ATP8A2: variants seen among roughly 807,000 people sequenced by gnomAD.
The protein encoded by ATP8A2 is ATPase phospholipid transporting 8A2, also known as phospholipid-transporting ATPase IB.
ATP8A2 carries 100 observed loss-of-function variants against 165.6 expected under a neutral mutation model. The ratio of observed to expected loss-of-function variants is 0.60; its 90% CI spans 0.51 to 0.71. The LOEUF (loss-of-function observed/expected upper bound fraction) is 0.71. Among genes scored for constraint, ATP8A2 ranks in the 30% least tolerant of loss-of-function variants. ATP8A2 has a pLI of 0.00. For synonymous variants in ATP8A2, 543 were observed against 548.8 expected (o/e 0.99, Z 0.15); for missense variants, 1,227 against 1,479.5 (o/e 0.83, Z 2.80).
At chr13:25,709,719 A>G (rs1189112882) in intron 25 of ATP8A2, among the ~76,000 whole-genome samples, 1 of 152,196 alleles carries the variant, frequency 6.6e-6, no homozygotes, top group Admixed American at 6.5e-5. Context: ...AAGGGAAAAA[A>G]GTAAATGTTG....
Position 25,520,602 on chromosome 13 carries a change from T to TG in ATP8A2, c.222-9397_222-9396insG, listed in dbSNP as rs1271893160. Among the ~76,000 whole-genome samples the TG allele has an allele frequency of 4.3e-3, 648 of 150,060 alleles. 8 individuals are homozygous for TG. Among genetic ancestry groups the TG allele is most frequent in the African/African-American group, 0.015 (609 of 40,636 alleles). On this transcript the variant is annotated intron_variant, in intron 2 of 36. Coordinates refer to ENST00000381655, the MANE Select transcript of ATP8A2 (RefSeq NM_016529.6). The stretch of plus-strand genomic sequence containing the variant: ...CATTCCTATTTTTAGTTTTTTTTTT[T>TG]TTTGTTTTTTTTTTTTGAGATGGAG...
chr13:25,730,253 C>G (rs974422208), intron 25 of ATP8A2, among the ~76,000 whole-genome samples: 1 of 152,170 alleles, frequency 6.6e-6, no homozygotes, highest in African/African-American at 2.4e-5. Context: ...GATCATGCCA[C>G]TGCACTCCCG....
At position 25,559,715 on chromosome 13, in the gene ATP8A2, T is replaced by C. The variant is rs747588579; in HGVS notation, c.1353-6T>C. 33 of 1,612,736 alleles carry C rather than the reference T, an allele frequency of 2.0e-5. No homozygotes were observed. Among genetic ancestry groups the C allele is most frequent in the Non-Finnish European group, 2.6e-5 (31 of 1,178,896 alleles). ...GTGACCACTCTGTTTTCCGTTTCTCTGGCAGTCACTTCCCAGAATTGGCAA... is the reference window on the plus strand; with the variant it reads ...GTGACCACTCTGTTTTCCGTTTCTCCGGCAGTCACTTCCCAGAATTGGCAA... On this transcript the variant is annotated splice_polypyrimidine_tract_variant and splice_region_variant and intron_variant, in intron 14 of 36. Transcript: ENST00000381655.
intron 25 of ATP8A2, among the ~76,000 whole-genome samples, chr13:25,738,706 G>A (rs1295159556): frequency 6.6e-6 from 1 of 152,214 alleles, no homozygotes; most frequent in Non-Finnish European, 1.5e-5. Flanking sequence ...TGGAATCAAG[G>A]GCACATGCCA....
rs150477610 is a variant in ATP8A2, at chr13:25,955,248, A to G, written c.3184-6327A>G. ...GCAAGAGCAAACAAATTCAAATACT[A>G]GGAGAAGACAAGAAATAAGTAAGAT... On this transcript the variant is annotated intron_variant, in intron 33 of 36. Transcript: ENST00000381655. 5.3e-3 allele frequency among the ~76,000 whole-genome samples: 808 copies of G among 152,364 alleles called. 4 individuals carry two copies. The highest frequency in any genetic ancestry group is 0.02 in the South Asian group (95 of 4,828).
intron 2 of ATP8A2, among the ~76,000 whole-genome samples, chr13:25,505,617 A>C (rs2037011777): frequency 6.6e-6 from 1 of 152,092 alleles, no homozygotes; most frequent in African/African-American, 2.4e-5. Flanking sequence ...TATAGTTCCA[A>C]ATCTGTATCC....
chr13:25,818,489 T>C (rs1951083424), intron 27 of ATP8A2, among the ~76,000 whole-genome samples: 1 of 152,246 alleles, frequency 6.6e-6, no homozygotes, highest in African/African-American at 2.4e-5. Flanking sequence ...ACCTATTTGA[T>C]ATGAGCCATA....
At chr13:25,888,444 C>A (rs1184733540) in intron 33 of ATP8A2, among the ~76,000 whole-genome samples, 27 of 151,964 alleles carry the variant, frequency 1.8e-4, no homozygotes, top group Admixed American at 1.6e-3. Context: ...AAGCTAAAAG[C>A]AAAAAAGGAA....
chr13:25,827,880 G>A (rs536286145), intron 27 of ATP8A2, among the ~76,000 whole-genome samples: 3 of 152,176 alleles, frequency 2.0e-5, no homozygotes, highest in African/African-American at 7.2e-5. Flanking sequence ...CTATGAACAT[G>A]TGCATATTAT....
chr13:25,719,670 T>C (rs3132356), intron 25 of ATP8A2, among the ~76,000 whole-genome samples: 43,697 of 152,156 alleles, frequency 0.29, 8,308 homozygotes, highest in African/African-American at 0.54. Flanking sequence ...GTCCTGCTGA[T>C]ACTAGAAAGC....
intron 1 of ATP8A2, among the ~76,000 whole-genome samples, chr13:25,376,884 G>A (rs1017036056): frequency 2.0e-5 from 3 of 152,138 alleles, no homozygotes; most frequent in Non-Finnish European, 2.9e-5. Flanking sequence ...AGAAATAAGC[G>A]CTTACTCACC....
intron 1 of ATP8A2, among the ~76,000 whole-genome samples, chr13:25,427,901 A>G (rs988657739): frequency 3.9e-5 from 6 of 152,000 alleles, no homozygotes; most frequent in African/African-American, 1.5e-4. Flanking sequence ...TCAGAAAAAA[A>G]AGAAAAAGCA....
intron 16 of ATP8A2, among the ~76,000 whole-genome samples, chr13:25,569,988 T>C (rs2039419784): frequency 6.6e-6 from 1 of 152,306 alleles, no homozygotes; most frequent in South Asian, 2.1e-4. Flanking sequence ...CACACTTTTC[T>C]TAGATGGGAA....
At chr13:25,993,370 A>G (rs918242572) in intron 35 of ATP8A2, among the ~76,000 whole-genome samples, 1 of 152,194 alleles carries the variant, frequency 6.6e-6, no homozygotes, top group Non-Finnish European at 1.5e-5. Flanking sequence ...CACCACTCCT[A>G]TTCAACATAG....
At chr13:25,902,635 G>A (rs1317986653) in intron 33 of ATP8A2, among the ~76,000 whole-genome samples, 1 of 151,626 alleles carries the variant, frequency 6.6e-6, no homozygotes, top group Non-Finnish European at 1.5e-5. Flanking sequence ...ATGCACGTGT[G>A]TGTGCATGTG....
Position 25,480,974 on chromosome 13 carries a change from C to T in ATP8A2, c.221+11853C>T, listed in dbSNP as rs9511817. On this transcript the variant is annotated intron_variant, in intron 2 of 36. Coordinates refer to ENST00000381655, the MANE Select transcript of ATP8A2 (RefSeq NM_016529.6). ...CTGGAGACCAGCCCGGGCAACACAG[C>T]GAAACCCCGTCTCCACCAAAAAAAT... 2.9e-3 allele frequency among the ~76,000 whole-genome samples: 445 copies of T among 152,234 alleles called. 2 individuals carry two copies. Among genetic ancestry groups the T allele is most frequent in the Non-Finnish European group, 4.1e-3 (277 of 68,020 alleles).
chr13:25,471,918 A>G (rs75794065), intron 2 of ATP8A2, among the ~76,000 whole-genome samples: 9,036 of 152,270 alleles, frequency 0.059, 348 homozygotes, highest in South Asian at 0.13. Context: ...TAAAATTCAT[A>G]TAATTTCTGA....
At position 25,497,940 on chromosome 13, in the gene ATP8A2, C is replaced by G. The variant is rs190425735; in HGVS notation, c.221+28819C>G. ...TCGCGCCACTGCACTCCAGCCTGGG[C>G]AACCGAGAGAGATTCCGTCTCAAAT... On this transcript the variant is annotated intron_variant, in intron 2 of 36. Coordinates refer to ENST00000381655, the MANE Select transcript of ATP8A2 (RefSeq NM_016529.6). Among the ~76,000 whole-genome samples, 482 of 152,156 alleles carry G rather than the reference C, an allele frequency of 3.2e-3. 3 individuals are homozygous for G. The highest frequency in any genetic ancestry group is 0.011 in the African/African-American group (457 of 41,504).
At chr13:25,786,754 G>GT (rs1555266490) in intron 27 of ATP8A2, among the ~76,000 whole-genome samples, 5 of 134,642 alleles carry the variant, frequency 3.7e-5, no homozygotes, top group African/African-American at 1.4e-4. Flanking sequence ...ACAATTCTAT[G>GT]TTTTTTTTTT....
Sources: allele counts gnomAD v4.1 joint callset (sites outside exome capture counted in the v4.1 genomes callset), GRCh38; gene constraint gnomAD v4.1.1; transcripts MANE v1.5; gene names NCBI Gene and HGNC (gene_info 2026-07-23, HGNC 2026-07-21).